The following UNC79 variants were observed in gnomAD, a reference collection of about 807,000 sequenced individuals.
UNC79 encodes the protein protein unc-79 homolog.
In UNC79, 37 loss-of-function variants were observed where a neutral mutation model predicts 283.1. The ratio of observed to expected loss-of-function variants is 0.13; its 90% CI spans 0.10 to 0.17. UNC79 has a LOEUF of 0.17. Among genes scored for constraint, UNC79 ranks in the 10% least tolerant of loss-of-function variants. The probability of loss-of-function intolerance (pLI) is 1.00; values close to 1 mark genes in which losing one functional copy is unlikely to be tolerated. For missense variants in UNC79, 2,272 were observed against 3,211.1 expected (o/e 0.71, Z 7.07); for synonymous variants, 1,107 against 1,200.2 (o/e 0.92, Z 1.61).
chr14:93,705,056 G>A (rs546210050), intron 48 of UNC79, among the ~76,000 whole-genome samples: 7 of 152,110 alleles, frequency 4.6e-5, no homozygotes, highest in South Asian at 4.2e-4. Flanking sequence ...GCAACATAGC[G>A]AGACCCCATC....
chr14:93,414,554 A>C (rs2055411067), intron 1 of UNC79, among the ~76,000 whole-genome samples: 2 of 152,238 alleles, frequency 1.3e-5, no homozygotes, highest in East Asian at 3.9e-4. Flanking sequence ...TTTTTTTCCA[A>C]TTCTGTGAAG....
At chr14:93,650,316 G>A (rs2070109552) in intron 35 of UNC79, among the ~76,000 whole-genome samples, 1 of 152,032 alleles carries the variant, frequency 6.6e-6, no homozygotes, top group Non-Finnish European at 1.5e-5. Flanking sequence ...TTTCTCTTGG[G>A]TAAAATACCT....
chr14:93,684,759 CAT>C (rs535844065), intron 42 of UNC79, among the ~76,000 whole-genome samples: 105 of 152,274 alleles, frequency 6.9e-4, no homozygotes, highest in African/African-American at 1.7e-3. Context: ...CTATATTAAA[CAT>C]GTGTTGCTTT....
At chr14:93,424,067 A>G (rs960789471) in intron 1 of UNC79, among the ~76,000 whole-genome samples, 3 of 152,238 alleles carry the variant, frequency 2.0e-5, no homozygotes, top group African/African-American at 7.2e-5. Flanking sequence ...TTAAATAGAC[A>G]TTTCTCAAAA....
chr14:93,381,374 A>G (rs2054662230), intron 1 of UNC79, among the ~76,000 whole-genome samples: 1 of 152,188 alleles, frequency 6.6e-6, no homozygotes, highest in African/African-American at 2.4e-5. Context: ...AGGAACTTTA[A>G]TGGAATCACT....
chr14:93,467,521 T>C, intron 1 of UNC79, 150 bp from the exon 2 acceptor site: 1 of 983,096 alleles, frequency 1.0e-6, no homozygotes, highest in Non-Finnish European at 1.3e-6. Context: ...AAAATTTACT[T>C]ATGTTTCTTA....
chr14:93,702,103 A>AG (rs2075571926), intron 47 of UNC79, among the ~76,000 whole-genome samples: 1 of 152,230 alleles, frequency 6.6e-6, no homozygotes, highest in Non-Finnish European at 1.5e-5. Context: ...AGCACCCTCC[A>AG]GGGCTTGCTT....
At chr14:93,700,896 AT>A (rs1200114004) in intron 47 of UNC79, among the ~76,000 whole-genome samples, 1 of 151,738 alleles carries the variant, frequency 6.6e-6, no homozygotes, top group Non-Finnish European at 1.5e-5. Flanking sequence ...TCCTTCTAAG[AT>A]TTTCGGGTCG....
intron 7 of UNC79, among the ~76,000 whole-genome samples, chr14:93,505,445 A>G (rs538164099): frequency 6.6e-6 from 1 of 152,212 alleles, no homozygotes; most frequent in Non-Finnish European, 1.5e-5. Context: ...TTTGTGTTAA[A>G]ATCTACTTTG....
At chr14:93,381,321 A>C (rs530151768) in intron 1 of UNC79, among the ~76,000 whole-genome samples, 1 of 152,302 alleles carries the variant, frequency 6.6e-6, no homozygotes, top group South Asian at 2.1e-4. Flanking sequence ...GACTCCCCCC[A>C]GAAGGAGTGT....
At chr14:93,664,671 A>T (rs2071974412) in intron 40 of UNC79, among the ~76,000 whole-genome samples, 1 of 152,200 alleles carries the variant, frequency 6.6e-6, no homozygotes, top group Admixed American at 6.5e-5. Context: ...AAAGATTTAT[A>T]GTCTCCCTTG....
intron 23 of UNC79, among the ~76,000 whole-genome samples, chr14:93,597,078 C>T (rs766397636): frequency 2.6e-5 from 4 of 152,032 alleles, no homozygotes; most frequent in Non-Finnish European, 5.9e-5. Context: ...AGAGAAAGAC[C>T]ATGAAAAAAT....
chr14:93,442,316 C>T (rs1022877786), intron 1 of UNC79, among the ~76,000 whole-genome samples: 34 of 152,054 alleles, frequency 2.2e-4, no homozygotes, highest in Admixed American at 2.0e-3. Flanking sequence ...AGATCCCTAT[C>T]GTACACATGT....
exon 18 of UNC79, chr14:93,578,010 G>T: frequency 6.2e-7 from 1 of 1,614,238 alleles, no homozygotes. Flanking sequence ...TTGTGAAGAT[G>T]ATGAAATGAA....
At chr14:93,418,496 C>T (rs946151497) in intron 1 of UNC79, among the ~76,000 whole-genome samples, 3 of 151,784 alleles carry the variant, frequency 2.0e-5, no homozygotes, top group Non-Finnish European at 2.9e-5. Flanking sequence ...AGGAGGCAGT[C>T]TGCCCGTTCT....
chr14:93,643,355 C>T (rs575196137), intron 33 of UNC79, among the ~76,000 whole-genome samples: 7 of 152,246 alleles, frequency 4.6e-5, no homozygotes, highest in Non-Finnish European at 7.4e-5. Context: ...GAGGCACCTT[C>T]GTGGTCTCTA....
In UNC79 at chr14:93,621,893, A is replaced by T; in HGVS notation, c.4660A>T (p.Thr1554Ser). Residue 1554 changes from threonine (T) to serine (S), a missense_variant, in exon 30 of 49, where the codon ACG (threonine) becomes TCG (serine). Transcript: ENST00000555664. The surrounding 1 kb of genome is among the most constrained non-coding windows in gnomAD (Gnocchi z 4.8). Reference sequence around the variant, plus strand: ...TGGACGTTCTAGACAGAACTCTGCTACGAGGCCTGACAATAGTGAAATCCC... The same window carrying T: ...TGGACGTTCTAGACAGAACTCTGCTTCGAGGCCTGACAATAGTGAAATCCC... 1.2e-6 allele frequency: 2 copies of T among 1,614,112 alleles called. No homozygotes were observed. The highest frequency in any genetic ancestry group is 2.2e-5 in the East Asian group (1 of 44,864).
rs2069605608 is a variant in UNC79, at chr14:93,646,368, T to G, written c.6045-240T>G. ...AGGCACCATTTTGTAGAAAACCAACTTTAACTGCAAGTGTTTCCATGAAAA... is the reference window on the plus strand; with the variant it reads ...AGGCACCATTTTGTAGAAAACCAACGTTAACTGCAAGTGTTTCCATGAAAA... On this transcript the variant is annotated intron_variant, in intron 34 of 48. Coordinates refer to ENST00000555664, the Ensembl canonical transcript of UNC79. Among the ~76,000 whole-genome samples the G allele has an allele frequency of 2.0e-5, 3 of 152,270 alleles. No homozygotes were observed. The South Asian group carries it at 6.2e-4, about 32-fold the overall frequency.
chr14:93,382,664 G>A (rs1012459411), intron 1 of UNC79, among the ~76,000 whole-genome samples: 1 of 152,160 alleles, frequency 6.6e-6, no homozygotes, highest in Non-Finnish European at 1.5e-5. Flanking sequence ...TGCAGATGCA[G>A]ATGAAGAAAT....
Sources: gnomAD v4.1 joint callset for allele counts (sites outside exome capture counted in the v4.1 genomes callset) on GRCh38, gnomAD v4.1.1 for gene constraint, Gnocchi (gnomAD v3.1) non-coding constraint, MANE v1.5 for transcripts, NCBI Gene and HGNC (gene_info 2026-07-23, HGNC 2026-07-21) for gene names.